Variants in NT5DC2 observed in about 807,000 individuals in gnomAD.
The protein encoded by NT5DC2 is 5'-nucleotidase domain containing 2, also known as 5'-nucleotidase domain-containing protein 2.
Under a neutral mutation model 70.0 loss-of-function variants are expected in NT5DC2, and 41 were observed. That is an observed-to-expected ratio of 0.59 (90% CI 0.46 to 0.76). NT5DC2 has a LOEUF of 0.76. Ranked by LOEUF, NT5DC2 falls within the 30% of genes least tolerant of loss-of-function variation. The probability of loss-of-function intolerance (pLI) is 0.00; values close to 1 mark genes in which losing one functional copy is unlikely to be tolerated. For missense variants in NT5DC2, 705 were observed against 783.2 expected, an observed-to-expected ratio of 0.90 and a Z score of 1.19; for synonymous variants, 299 against 310.4, an observed-to-expected ratio of 0.96 and a Z score of 0.39.
chr3:52,533,486 T>C lies in NT5DC2; in HGVS notation c.232+20A>G, dbSNP rs2079387784. The C allele has an allele frequency of 2.7e-6, 4 of 1,493,826 alleles. No homozygotes were observed. The East Asian group carries it at 8.7e-5, about 33-fold the overall frequency. 92.5% of individuals were successfully genotyped at this position (1,493,826 alleles called of 1,614,324 possible). On this transcript the variant is annotated intron_variant, in intron 1 of 13. Transcript: ENST00000422318. ...CACGCGGAAGACACCCCGGCGCACG[T>C]CCCGCCCCGGCTCACCCACCGTGCA...
rs758521802 is a variant in NT5DC2, at chr3:52,527,861, C to G, written c.903G>C (p.Leu301=). The G allele has an allele frequency of 7.4e-6, 12 of 1,613,308 alleles. No homozygotes were observed. The South Asian group carries it at 1.2e-4, about 16-fold the overall frequency. ...TGAAAGGACTGTTGGTGATGAGGAA[C>G]AGCTGTTTCCCATGGGCCACCAGGC... ...LSRLVAHGKQ[L]FLITNSPFSF... Residue 301 remains leucine, a synonymous_variant, in exon 8 of 14, where the codon CTG becomes CTC. Transcript: ENST00000422318.
intron 13 of NT5DC2, 21 bp downstream of exon 13, chr3:52,524,796 G>A (rs1199014807): frequency 1.2e-6 from 2 of 1,612,516 alleles, no homozygotes; most frequent in Admixed American, 1.7e-5. Context: ...TGGGACTCCT[G>A]CCCTGGCCCC....
In NT5DC2 at chr3:52,524,583, T is replaced by TGAA. The variant is rs1415359673; in HGVS notation, c.1558_1560dup (p.Phe520dup). The TGAA allele has an allele frequency of 6.8e-6, 11 of 1,612,868 alleles. No individual in the cohort carries two copies. The highest frequency in any genetic ancestry group is 3.3e-5 in the Admixed American group (2 of 59,980). On this transcript the variant is annotated inframe_insertion, in exon 14 of 14. Coordinates refer to ENST00000422318, the MANE Select transcript of NT5DC2 (RefSeq NM_001134231.2). ...AGCGGCGTACGGCGTGGGTAGAAGG[T>TGAA]GAAGTCCACGCGGTAGTTGAGCAGG...
At chr3:52,532,524 T>A in intron 1 of NT5DC2, 2 of 984,602 alleles carry the variant, frequency 2.0e-6, no homozygotes, top group South Asian at 9.4e-5. Context: ...TGAAAACCCC[T>A]GTCTAGCCAG....
intron 10 of NT5DC2, 134 bp downstream of exon 10, chr3:52,527,160 C>CA: frequency 1.3e-6 from 1 of 779,284 alleles, no homozygotes; most frequent in Non-Finnish European, 2.1e-6. Context: ...TGCTCCCTGC[C>CA]AGCCATTGCC....
In NT5DC2 at chr3:52,529,426, T is replaced by G; in HGVS notation, c.233-92A>C. On this transcript the variant is annotated intron_variant, in intron 1 of 13. Coordinates refer to ENST00000422318, the MANE Select transcript of NT5DC2 (RefSeq NM_001134231.2). This position sits in a 1 kb window ranked among gnomAD's most constrained non-coding sequence, Gnocchi z 4.1. ...AGCACTCTGTGGGGACCTAGCCCTG[T>G]GAGCCTCAGAAACGCCCCACAATGG... 1 of 1,272,234 alleles carries G rather than the reference T, an allele frequency of 7.9e-7. No individual in the cohort carries two copies. Among genetic ancestry groups the G allele is most frequent in the East Asian group, 2.5e-5 (1 of 40,232 alleles). 78.8% of individuals were successfully genotyped at this position (1,272,234 alleles called of 1,614,324 possible).
chr3:52,534,464 C>T, upstream of NT5DC2: 1 of 1,608,914 alleles, frequency 6.2e-7, no homozygotes, highest in Non-Finnish European at 8.5e-7. Context: ...CTGGGCCGTG[C>T]GCTGCAGGGT....
At position 52,525,231 on chromosome 3, in the gene NT5DC2, T is replaced by C; in HGVS notation, c.1184A>G (p.Asp395Gly). 1 of 1,612,166 alleles carries C rather than the reference T, an allele frequency of 6.2e-7. No individual in the cohort carries two copies. ...WRGPRVLYFG[D>G]HLYSDLADLM... ...CACCGCCAGATCACTATAGAGGTGG[T>C]CCCCGAAGTAGAGCACGCGGGGGCC... The change falls in exon 11 of 14, where the codon GAC becomes GGC. Residue 395 changes from aspartate to glycine, a missense_variant. Physicochemically the swap from Asp to Gly is moderately conservative, Grantham distance 94. Transcript: ENST00000422318.
upstream of NT5DC2, chr3:52,534,023 G>A (rs1404164079): frequency 4.4e-6 from 1 of 229,376 alleles, no homozygotes; most frequent in Non-Finnish European, 7.5e-6. Context: ...CCCTTCGGCC[G>A]TCACGCCGGC....
At position 52,525,175 on chromosome 3, in the gene NT5DC2, C is replaced by T. The variant is rs763960409; in HGVS notation, c.1206+34G>A. 11 of 1,593,746 alleles carry T rather than the reference C, an allele frequency of 6.9e-6. No individual in the cohort carries two copies. In the East Asian group the frequency reaches 1.8e-4, roughly 26 times the overall value. On this transcript the variant is annotated intron_variant, in intron 11 of 13. Transcript: ENST00000422318. ...GCGGGGGGGGGGGGGTTTCCTGGCC[C>T]TCCCCCACTGCAGCCCAGCCCTGCC...
rs1313167582 is a variant in NT5DC2 at position 52,531,910 on chromosome 3, G to A, written c.232+1596C>T. Among the ~76,000 whole-genome samples, 1 of 152,194 alleles carries A rather than the reference G, an allele frequency of 6.6e-6. No homozygotes were observed. Among genetic ancestry groups the A allele is most frequent in the Non-Finnish European group, 1.5e-5 (1 of 68,048 alleles). The stretch of plus-strand genomic sequence containing the variant: ...CCATCGTCCGGAGGAAGAAACTGGG[G>A]CTCAGGGAGGTGAAGTCACTTGCTC... On this transcript the variant is annotated intron_variant, in intron 1 of 13. Coordinates refer to ENST00000422318, the MANE Select transcript of NT5DC2 (RefSeq NM_001134231.2). This position sits in a 1 kb window ranked among gnomAD's most constrained non-coding sequence, Gnocchi z 4.1.
chr3:52,534,356 TA>T, upstream of NT5DC2: 1 of 1,010,750 alleles, frequency 9.9e-7, no homozygotes, highest in Non-Finnish European at 1.5e-6. Context: ...CTCACTGGTC[TA>T]ACAAATAAAG....
intron 9 of NT5DC2, 112 bp downstream of exon 9, chr3:52,527,505 A>G (rs2079295260): frequency 6.9e-7 from 1 of 1,454,670 alleles, no homozygotes; most frequent in Non-Finnish European, 9.5e-7. Context: ...TTCTCACCCC[A>G]AGCACATTGG....
chr3:52,531,444 G>A lies in NT5DC2; in HGVS notation c.232+2062C>T, dbSNP rs1230130950. 6.6e-6 allele frequency among the ~76,000 whole-genome samples: 1 copy of A among 152,104 alleles called. No individual in the cohort carries two copies. The highest frequency in any genetic ancestry group is 1.5e-5 in the Non-Finnish European group (1 of 68,014). On this transcript the variant is annotated intron_variant, in intron 1 of 13. Coordinates refer to ENST00000422318, the MANE Select transcript of NT5DC2 (RefSeq NM_001134231.2). This position sits in a 1 kb window ranked among gnomAD's most constrained non-coding sequence, Gnocchi z 4.1. The stretch of plus-strand genomic sequence containing the variant: ...ACTCTTGGTGCAGAAGACCTGGGAG[G>A]GTCTGCTCGGCAGTGCAGCCCCTTG...
At chr3:52,534,629 G>A, upstream of NT5DC2, 1 of 1,613,628 alleles carries the variant, frequency 6.2e-7, no homozygotes, top group African/African-American at 1.3e-5. Context: ...CCTCTTTCCT[G>A]CGCAGAACCG....
chr3:52,527,512 T>C (rs917649331), intron 9 of NT5DC2, 105 bp downstream of exon 9: 79 of 1,464,824 alleles, frequency 5.4e-5, no homozygotes, highest in Middle Eastern at 1.8e-4. Context: ...CCCAAGCACA[T>C]TGGGCAGTGG....
chr3:52,534,704 T>C, upstream of NT5DC2: 1 of 1,566,928 alleles, frequency 6.4e-7, no homozygotes, highest in Non-Finnish European at 8.7e-7. Context: ...CAGGCTGTGC[T>C]CAGGGTCCGG....
chr3:52,534,363 TAAAG>T, upstream of NT5DC2: 1 of 1,070,320 alleles, frequency 9.3e-7, no homozygotes, highest in Non-Finnish European at 1.4e-6. Flanking sequence ...GTCTAACAAA[TAAAG>T]AGCCCTTCCC....
chr3:52,532,905 G>A (rs2079379731), intron 1 of NT5DC2, among the ~76,000 whole-genome samples: 1 of 152,138 alleles, frequency 6.6e-6, no homozygotes, highest in Non-Finnish European at 1.5e-5. Flanking sequence ...TTTCTCAGAG[G>A]GAGAGAGCAG....
Sources: gnomAD v4.1 joint callset for allele counts (sites outside exome capture counted in the v4.1 genomes callset) on GRCh38, gnomAD v4.1.1 for gene constraint, Gnocchi (gnomAD v3.1) non-coding constraint, MANE v1.5 for transcripts, NCBI Gene and HGNC (gene_info 2026-07-23, HGNC 2026-07-21) for gene names.